The following CNBD1 variants were observed in gnomAD, a reference collection of about 807,000 sequenced individuals.
The protein encoded by CNBD1 is cyclic nucleotide-binding domain-containing protein 1.
CNBD1 carries 71 observed loss-of-function variants against 54.4 expected under a neutral mutation model. The ratio of observed to expected loss-of-function variants is 1.30; its 90% CI spans 1.08 to 1.59. CNBD1 has a LOEUF of 1.59. Ranked by LOEUF, CNBD1 falls within the 40% of genes most tolerant of loss-of-function variation. CNBD1 has a pLI of 0.00. For missense variants in CNBD1, 659 were observed against 518.0 expected (o/e 1.27, Z -2.64); for synonymous variants, 182 against 170.7 (o/e 1.07, Z -0.51).
chr8:86,890,477 G>A (rs534408616), intron 2 of CNBD1, among the ~76,000 whole-genome samples: 8 of 151,958 alleles, frequency 5.3e-5, no homozygotes, highest in Admixed American at 1.3e-4. Context: ...TTTTTTAGCC[G>A]TTTATTCACT....
At chr8:86,913,584 T>C (rs1225682856) in intron 3 of CNBD1, among the ~76,000 whole-genome samples, 1 of 152,030 alleles carries the variant, frequency 6.6e-6, no homozygotes. Context: ...ACAAGCAAGT[T>C]TTTATTAGCA....
chr8:86,941,839 C>G (rs1354053196), intron 4 of CNBD1, among the ~76,000 whole-genome samples: 1 of 152,202 alleles, frequency 6.6e-6, no homozygotes, highest in Non-Finnish European at 1.5e-5. Flanking sequence ...TGGCCTGTTT[C>G]CAAACACCCA....
At chr8:87,045,328 A>G (rs1256652647) in intron 4 of CNBD1, among the ~76,000 whole-genome samples, 3 of 152,182 alleles carry the variant, frequency 2.0e-5, no homozygotes. Context: ...GAATCTTTCA[A>G]GAAGGGATTG....
At chr8:87,047,399 T>C (rs1048996787) in intron 4 of CNBD1, among the ~76,000 whole-genome samples, 6 of 152,192 alleles carry the variant, frequency 3.9e-5, no homozygotes, top group African/African-American at 1.4e-4. Context: ...TTCAGTGTTA[T>C]TAAACTGAGC....
intron 5 of CNBD1, among the ~76,000 whole-genome samples, chr8:87,228,847 C>T (rs1940015254): frequency 1.3e-5 from 2 of 152,208 alleles, no homozygotes; most frequent in Admixed American, 6.5e-5. Flanking sequence ...AGCCTCGCTG[C>T]TGCCTTGCAG....
At chr8:87,361,432 ACAAATGTCTTACAAGG>A (rs1810522087) in intron 10 of CNBD1, among the ~76,000 whole-genome samples, 1 of 152,002 alleles carries the variant, frequency 6.6e-6, no homozygotes, top group African/African-American at 2.4e-5. Context: ...ATGAAATAAC[ACAAATGTCTTACAAGG>A]CTATGTGAAG....
chr8:87,023,069 T>G (rs1159715929), intron 4 of CNBD1, among the ~76,000 whole-genome samples: 1 of 152,236 alleles, frequency 6.6e-6, no homozygotes, highest in African/African-American at 2.4e-5. Flanking sequence ...GTCCAGCTCC[T>G]AACTAGGGAG....
At chr8:87,108,008 A>T (rs1563471586) in intron 4 of CNBD1, among the ~76,000 whole-genome samples, 1 of 152,232 alleles carries the variant, frequency 6.6e-6, no homozygotes. Flanking sequence ...AAATACAATC[A>T]TAATCTTTAT....
chr8:87,307,768 C>T (rs1198711981), intron 8 of CNBD1, among the ~76,000 whole-genome samples: 1 of 114,666 alleles, frequency 8.7e-6, no homozygotes, highest in African/African-American at 3.3e-5. Context: ...ATATATATAA[C>T]TTAGCAAGGA....
chr8:87,237,081 C>G lies in CNBD1; in HGVS notation c.740C>G (p.Ala247Gly). 6.2e-7 allele frequency: 1 copy of G among 1,610,856 alleles called. No individual in the cohort carries two copies. The highest frequency in any genetic ancestry group is 8.5e-7 in the Non-Finnish European group (1 of 1,177,922). ...WSEEFKNSTL[A>G]EMYLPSYDSM... ...GAAGAATTCAAAAACTCTACACTTG[C>G]TGAGATGTACCTACCTTCATATGAC... The change falls in exon 6 of 11, where the codon GCT (alanine) becomes GGT (glycine). Residue 247 changes from alanine to glycine, a missense_variant. By Grantham distance (60) the Ala-to-Gly change is moderately conservative (BLOSUM62 0). Transcript: ENST00000518476.
chr8:87,087,753 A>C (rs938235697), intron 4 of CNBD1, among the ~76,000 whole-genome samples: 1 of 152,106 alleles, frequency 6.6e-6, no homozygotes, highest in Non-Finnish European at 1.5e-5. Context: ...GGCGTGAGCC[A>C]CTGTGCCCAG....
chr8:87,243,783 A>T (rs1480393408), intron 6 of CNBD1, among the ~76,000 whole-genome samples: 1 of 152,216 alleles, frequency 6.6e-6, no homozygotes, highest in Admixed American at 6.5e-5. Flanking sequence ...TATTTCAATT[A>T]AACAAAAATA....
At chr8:86,993,663 A>ATGGGATCTTTATTTGTGGC (rs1486188354) in intron 4 of CNBD1, among the ~76,000 whole-genome samples, 1 of 152,152 alleles carries the variant, frequency 6.6e-6, no homozygotes, top group Non-Finnish European at 1.5e-5. Flanking sequence ...AAGGCTCTGT[A>ATGGGATCTTTATTTGTGGC]TGGGATCTTT....
At chr8:87,036,183 G>A (rs1608719) in intron 4 of CNBD1, among the ~76,000 whole-genome samples, 5,898 of 152,186 alleles carry the variant, frequency 0.039, 150 homozygotes, top group Non-Finnish European at 0.058. Context: ...GTAGGATTGG[G>A]ATCTCTTACA....
intron 6 of CNBD1, among the ~76,000 whole-genome samples, chr8:87,258,631 A>G (rs1459737020): frequency 6.6e-6 from 1 of 152,048 alleles, no homozygotes; most frequent in Non-Finnish European, 1.5e-5. Flanking sequence ...ATCTTGTTGA[A>G]GAGAGAAAGC....
At chr8:87,262,448 A>G (rs1808162385) in intron 6 of CNBD1, among the ~76,000 whole-genome samples, 1 of 152,184 alleles carries the variant, frequency 6.6e-6, no homozygotes, top group African/African-American at 2.4e-5. Context: ...AGAGATTAGC[A>G]TTTAAATAAA....
intron 10 of CNBD1, among the ~76,000 whole-genome samples, chr8:87,365,497 T>C (rs529537233): frequency 3.2e-4 from 48 of 152,182 alleles, no homozygotes; most frequent in Admixed American, 1.1e-3. Context: ...TATCATGTTT[T>C]CATTTTCAGA....
At chr8:87,348,727 A>G (rs1202596247) in intron 8 of CNBD1, among the ~76,000 whole-genome samples, 1 of 152,214 alleles carries the variant, frequency 6.6e-6, no homozygotes, top group African/African-American at 2.4e-5. Flanking sequence ...ATTTAAACTG[A>G]GACCTTCACT....
intron 8 of CNBD1, among the ~76,000 whole-genome samples, chr8:87,326,597 G>A (rs1224215271): frequency 1.7e-5 from 2 of 115,064 alleles, no homozygotes; most frequent in South Asian, 2.6e-4. Context: ...TGATCGCATC[G>A]GCTCCTGAGG....
Sources: allele counts gnomAD v4.1 joint callset (sites outside exome capture counted in the v4.1 genomes callset), GRCh38; gene constraint gnomAD v4.1.1; transcripts MANE v1.5; gene names NCBI Gene and HGNC (gene_info 2026-07-23, HGNC 2026-07-21).